The following STPG1 variants were observed in gnomAD, a reference collection of about 807,000 sequenced individuals.
STPG1 encodes O(6)-methylguanine-induced apoptosis 2.
Under a neutral mutation model 40.1 loss-of-function variants are expected in STPG1, and 33 were observed. The observed-to-expected ratio is 0.82, with a 90% CI of 0.62 to 1.10. The LOEUF (loss-of-function observed/expected upper bound fraction) is 1.10. Among genes scored for constraint, STPG1 ranks in the 50% least tolerant of loss-of-function variants. The pLI is 0.00. For synonymous variants in STPG1, 150 were observed against 155.0 expected, an observed-to-expected ratio of 0.97 and a Z score of 0.24; for missense variants, 396 against 415.1, an observed-to-expected ratio of 0.95 and a Z score of 0.40.
rs1207344128 is a variant in STPG1, at chr1:24,373,808, G to A, written c.465C>T (p.Ala155=). The A allele has an allele frequency of 3.1e-6, 5 of 1,600,292 alleles. No individual in the cohort carries two copies. The Middle Eastern group carries it at 5.0e-4, about 159-fold the overall frequency. The change falls in exon 6 of 9, where the codon GCC becomes GCT. Residue 155 remains alanine (A), a splice_region_variant and synonymous_variant. Coordinates refer to ENST00000337248, the MANE Select transcript of STPG1 (RefSeq NM_001199013.2). ...FETPAPNYYN[A]SVSCCKQRNN... is the part of the protein sequence containing the mutation. ...TTCTCTGCTTGCAGCAAGAGACAGA[G>A]GCCTAGGGGGAGAAAATACACCCAA...
intron 3 of STPG1, among the ~76,000 whole-genome samples, chr1:24,386,787 G>A (rs1642523568): frequency 6.6e-6 from 1 of 152,182 alleles, no homozygotes; most frequent in Non-Finnish European, 1.5e-5. Flanking sequence ...AGTTGTGACT[G>A]GTGTGAACTT....
rs1640860760 is a variant in STPG1 at position 24,358,350 on chromosome 1, A to C, written c.*193T>G. 1 of 699,802 alleles carries C rather than the reference A, an allele frequency of 1.4e-6. No individual in the cohort carries two copies. Among genetic ancestry groups the C allele is most frequent in the Admixed American group, 2.0e-5 (1 of 49,782 alleles). The allele number at this position is 699,802 out of a possible 1,614,324, so 43.3% of individuals were successfully genotyped here. On this transcript the variant is annotated 3_prime_UTR_variant, in exon 9 of 9. Coordinates refer to ENST00000337248, the MANE Select transcript of STPG1 (RefSeq NM_001199013.2). ...TCTGTGGGGCTGGGGTGAAGTCTCCAGGGAGCAATGTCTCCAGCTCAAGAC... is the reference window on the plus strand; with the variant it reads ...TCTGTGGGGCTGGGGTGAAGTCTCCCGGGAGCAATGTCTCCAGCTCAAGAC...
At chr1:24,365,771 T>C (rs761728001) in intron 7 of STPG1, among the ~76,000 whole-genome samples, 5 of 151,754 alleles carry the variant, frequency 3.3e-5, no homozygotes, top group African/African-American at 4.8e-5. Flanking sequence ...CTTATCCTGG[T>C]TCACCAAGGA....
chr1:24,366,375 C>T lies in STPG1; in HGVS notation c.737+3299G>A, dbSNP rs895535358. On this transcript the variant is annotated intron_variant, in intron 7 of 8. Coordinates refer to ENST00000337248, the MANE Select transcript of STPG1 (RefSeq NM_001199013.2). ...CCCGTGTAGCTCCTGTCCCTCTCTT[C>T]CCTCCAGGGACACAGGAGAAAACAG... 2.0e-5 allele frequency among the ~76,000 whole-genome samples: 3 copies of T among 152,186 alleles called. No individual in the cohort carries two copies. The East Asian group carries it at 5.8e-4, about 29-fold the overall frequency.
intron 8 of STPG1, among the ~76,000 whole-genome samples, chr1:24,360,125 C>G (rs1418797421): frequency 6.6e-6 from 1 of 152,150 alleles, no homozygotes; most frequent in Non-Finnish European, 1.5e-5. Context: ...CCACACTAGA[C>G]CAGTAGTTTA....
chr1:24,383,187 A>C (rs938994456), intron 4 of STPG1, among the ~76,000 whole-genome samples: 7 of 152,192 alleles, frequency 4.6e-5, no homozygotes, highest in African/African-American at 1.7e-4. Context: ...TGCTGGCATT[A>C]TAGGCATGAG....
intron 2 of STPG1, among the ~76,000 whole-genome samples, chr1:24,400,225 T>C (rs999930377): frequency 6.6e-6 from 1 of 152,206 alleles, no homozygotes; most frequent in African/African-American, 2.4e-5. Context: ...CAACATGAAG[T>C]TAAATCTCTG....
chr1:24,374,743 G>A (rs1448838187), intron 5 of STPG1, among the ~76,000 whole-genome samples: 1 of 151,934 alleles, frequency 6.6e-6, no homozygotes, highest in African/African-American at 2.4e-5. Context: ...TCCCACCTCA[G>A]TCTCCAGAAT....
At chr1:24,379,452 A>G in intron 5 of STPG1, 1 of 580,174 alleles carries the variant, frequency 1.7e-6, no homozygotes, top group South Asian at 2.0e-5. Flanking sequence ...ACTGGCCTCC[A>G]TGTTGCCCAT....
intron 7 of STPG1, among the ~76,000 whole-genome samples, chr1:24,368,131 G>T (rs1641561069): frequency 6.6e-6 from 1 of 152,196 alleles, no homozygotes. Flanking sequence ...TAGCCCTACA[G>T]CCTGTACAAG....
At chr1:24,400,802 T>C (rs563487765) in intron 2 of STPG1, among the ~76,000 whole-genome samples, 1 of 152,298 alleles carries the variant, frequency 6.6e-6, no homozygotes, top group East Asian at 1.9e-4. Flanking sequence ...ATCTCACCAA[T>C]GTGGATGGTT....
At chr1:24,360,740 C>T in intron 8 of STPG1, 111 bp downstream of exon 8, 3 of 973,144 alleles carry the variant, frequency 3.1e-6, no homozygotes, top group Non-Finnish European at 4.5e-6. Context: ...ACCCTCATCC[C>T]TGTAACCTAT....
intron 5 of STPG1, among the ~76,000 whole-genome samples, chr1:24,374,081 C>A (rs1453959084): frequency 6.6e-6 from 1 of 152,020 alleles, no homozygotes; most frequent in African/African-American, 2.4e-5. Context: ...GGCTTCCAGG[C>A]TCACTTCTGC....
rs1557711224 is a variant in STPG1 at position 24,357,971 on chromosome 1, G to T, written c.*572C>A. On this transcript the variant is annotated 3_prime_UTR_variant, in exon 9 of 9. Transcript: ENST00000337248. Reference sequence around the variant, plus strand: ...AGTAAAGAGAGGTCTTTCCAAACAGGTGGTCACTTTAGAAAGGAAGCTGTG... The same window carrying T: ...AGTAAAGAGAGGTCTTTCCAAACAGTTGGTCACTTTAGAAAGGAAGCTGTG... 2.9e-6 allele frequency: 1 copy of T among 347,026 alleles called. No individual in the cohort carries two copies. The highest frequency in any genetic ancestry group is 2.2e-5 in the South Asian group (1 of 44,968). 21.5% of individuals were successfully genotyped at this position (347,026 alleles called of 1,614,324 possible). A position where few individuals can be genotyped will look rare whatever the true frequency, so the allele number is the denominator to read the frequency against.
intron 2 of STPG1, among the ~76,000 whole-genome samples, chr1:24,397,395 G>C (rs556834049): frequency 6.6e-6 from 1 of 151,986 alleles, no homozygotes; most frequent in Non-Finnish European, 1.5e-5. Flanking sequence ...GAAAACTGAA[G>C]AGGAAAAGAC....
intron 5 of STPG1, among the ~76,000 whole-genome samples, chr1:24,377,011 A>C (rs1642057766): frequency 6.6e-6 from 1 of 152,096 alleles, no homozygotes; most frequent in African/African-American, 2.4e-5. Context: ...CTGTAATCCC[A>C]GCACTTTGGG....
At chr1:24,389,111 A>G (rs1490519925) in intron 3 of STPG1, among the ~76,000 whole-genome samples, 1 of 152,216 alleles carries the variant, frequency 6.6e-6, no homozygotes, top group African/African-American at 2.4e-5. Context: ...TCTCTGAGCA[A>G]TTCCCATCTC....
In STPG1 at chr1:24,379,709, A is replaced by G; in HGVS notation, c.406T>C (p.Leu136=). The change falls in exon 5 of 9, where the codon TTG becomes CTG. Residue 136 remains leucine (L), a synonymous_variant. Transcript: ENST00000337248. The part of the protein sequence containing the change: ...FSNSCSSMFQ[L]PSFMKALKFE... ...TTGAGAGCTTTCATAAAGCTTGGCA[A>G]CTGGAACATGCTGGAACACGAATTA... The G allele has an allele frequency of 6.2e-7, 1 of 1,614,230 alleles. No individual in the cohort carries two copies. The highest frequency in any genetic ancestry group is 1.1e-5 in the South Asian group (1 of 91,092).
intron 4 of STPG1, among the ~76,000 whole-genome samples, chr1:24,381,989 G>A (rs1291602361): frequency 6.6e-6 from 1 of 152,216 alleles, no homozygotes; most frequent in Admixed American, 6.5e-5. Context: ...ATACCTGAGT[G>A]TAACATAACT....
Sources: allele counts gnomAD v4.1 joint callset (sites outside exome capture counted in the v4.1 genomes callset), GRCh38; gene constraint gnomAD v4.1.1; transcripts MANE v1.5; gene names NCBI Gene and HGNC (gene_info 2026-07-23, HGNC 2026-07-21).